RIPOR2: variants seen among roughly 807,000 people sequenced by gnomAD.
RIPOR2 encodes rho family-interacting cell polarization regulator 2.
In RIPOR2, 39 loss-of-function variants were observed where a neutral mutation model predicts 114.5. That is an observed-to-expected ratio of 0.34 (90% CI 0.26 to 0.44). RIPOR2 has a LOEUF of 0.44. RIPOR2 is among the 20% of genes least tolerant of loss of function. RIPOR2 has a pLI of 1.00. For synonymous variants in RIPOR2, 445 were observed against 484.4 expected, an observed-to-expected ratio of 0.92 and a Z score of 1.07; for missense variants, 1,007 against 1,255.1, an observed-to-expected ratio of 0.80 and a Z score of 2.99.
intron 1 of RIPOR2, chr6:25,015,898 T>G (rs1233588373): frequency 1.2e-5 from 1 of 81,388 alleles, no homozygotes; most frequent in Non-Finnish European, 2.2e-5. Flanking sequence ...GTTTTTTGGT[T>G]TTTTTTTTTT....
chr6:25,000,136 A>C (rs1775236358), intron 1 of RIPOR2, among the ~76,000 whole-genome samples: 3 of 151,878 alleles, frequency 2.0e-5, no homozygotes. Context: ...ACACATTGGC[A>C]CTCTTGCCTA....
chr6:24,970,663 T>A (rs559418408), intron 1 of RIPOR2, among the ~76,000 whole-genome samples: 1 of 152,248 alleles, frequency 6.6e-6, no homozygotes, highest in Admixed American at 6.5e-5. Flanking sequence ...GAAGAGAGAC[T>A]GTTGAGCCCT....
chr6:24,870,292 C>T (rs757890493), intron 5 of RIPOR2, among the ~76,000 whole-genome samples: 58 of 152,088 alleles, frequency 3.8e-4, no homozygotes, highest in Non-Finnish European at 1.5e-5. Context: ...CCTCCAAACG[C>T]CTGGGAAGTT....
At chr6:24,968,980 C>T (rs565820294) in intron 1 of RIPOR2, among the ~76,000 whole-genome samples, 26 of 152,234 alleles carry the variant, frequency 1.7e-4, no homozygotes, top group African/African-American at 6.3e-4. Context: ...CGTTTAATCA[C>T]CTCATTTGCT....
intron 19 of RIPOR2, among the ~76,000 whole-genome samples, chr6:24,818,871 T>C (rs551181542): frequency 7.8e-4 from 119 of 151,932 alleles, no homozygotes; most frequent in South Asian, 1.0e-3. Context: ...GATCAATTTA[T>C]TGAGTAACAT....
At chr6:24,932,142 T>G (rs1446827229) in intron 1 of RIPOR2, 1 of 152,206 alleles carries the variant, frequency 6.6e-6, no homozygotes, top group East Asian at 1.9e-4. Flanking sequence ...ATGAAAGCCC[T>G]TTAATTTGAT....
chr6:24,899,845 G>A (rs570157788), intron 1 of RIPOR2, among the ~76,000 whole-genome samples: 39 of 152,298 alleles, frequency 2.6e-4, no homozygotes, highest in African/African-American at 8.9e-4. Context: ...GAAGGAGAAG[G>A]CACGCCACTG....
At chr6:25,017,795 A>G (rs956520478) in intron 1 of RIPOR2, among the ~76,000 whole-genome samples, 1 of 152,252 alleles carries the variant, frequency 6.6e-6, no homozygotes, top group South Asian at 2.1e-4. Flanking sequence ...AGGAATCAGC[A>G]AAGTGAGGGA....
intron 1 of RIPOR2, among the ~76,000 whole-genome samples, chr6:24,974,430 C>T (rs1561818804): frequency 1.3e-5 from 2 of 152,058 alleles, no homozygotes; most frequent in Admixed American, 1.3e-4. Flanking sequence ...TGTTCAACAT[C>T]ATTAGTCATC....
rs116168208 is a variant in RIPOR2, at chr6:24,858,129, G to C, written c.715+2844C>G. ...CCCCTCCTGCTTTTGCAGCAAACTG[G>C]GTCACACTGTTGTTCAGGTGGTCAT... On this transcript the variant is annotated intron_variant, in intron 8 of 21. Coordinates refer to ENST00000643898, the MANE Select transcript of RIPOR2 (RefSeq NM_001286445.3). This position sits in a 1 kb window ranked among gnomAD's most constrained non-coding sequence, Gnocchi z 4.0. 5.1e-4 allele frequency among the ~76,000 whole-genome samples: 77 copies of C among 152,174 alleles called. No homozygotes were observed. Among genetic ancestry groups the C allele is most frequent in the African/African-American group, 1.7e-3 (72 of 41,520 alleles).
intron 8 of RIPOR2, among the ~76,000 whole-genome samples, chr6:24,853,095 TC>T (rs779096035): frequency 1.1e-3 from 171 of 152,328 alleles, no homozygotes; most frequent in Non-Finnish European, 2.1e-3. Context: ...ATTTACTCAT[TC>T]TGATGTTTTC....
chr6:24,919,478 C>A (rs546448288), intron 1 of RIPOR2, among the ~76,000 whole-genome samples: 1 of 152,274 alleles, frequency 6.6e-6, no homozygotes, highest in South Asian at 2.1e-4. Flanking sequence ...TATGGAATCC[C>A]GGCTATGTTT....
chr6:25,001,407 G>A (rs1305273151), intron 1 of RIPOR2, among the ~76,000 whole-genome samples: 3 of 151,878 alleles, frequency 2.0e-5, no homozygotes, highest in South Asian at 4.2e-4. Context: ...AGCGGATCAC[G>A]AGGTCAGGAG....
chr6:24,995,574 T>C (rs894137245), intron 1 of RIPOR2, among the ~76,000 whole-genome samples: 3 of 152,166 alleles, frequency 2.0e-5, no homozygotes, highest in Non-Finnish European at 4.4e-5. Flanking sequence ...GAACTTGGAA[T>C]GAAGGTGGCA....
At chr6:24,942,262 G>A (rs1056411297) in intron 1 of RIPOR2, among the ~76,000 whole-genome samples, 5 of 152,146 alleles carry the variant, frequency 3.3e-5, no homozygotes, top group Non-Finnish European at 5.9e-5. Context: ...AGGAACTGAA[G>A]GAAGATCTTA....
chr6:24,829,003 T>C (rs1352409937), intron 17 of RIPOR2, among the ~76,000 whole-genome samples: 1 of 152,138 alleles, frequency 6.6e-6, no homozygotes, highest in African/African-American at 2.4e-5. Flanking sequence ...ATAGCAACAA[T>C]GTGTTCTTTT....
At chr6:25,026,114 TATAAATGA>T (rs1457920065) in intron 1 of RIPOR2, among the ~76,000 whole-genome samples, 1 of 152,140 alleles carries the variant, frequency 6.6e-6, no homozygotes, top group Non-Finnish European at 1.5e-5. Flanking sequence ...AAGACAGGTT[TATAAATGA>T]ATGCTACTCA....
chr6:24,946,802 C>T (rs1018851388), intron 1 of RIPOR2, among the ~76,000 whole-genome samples: 16 of 152,242 alleles, frequency 1.1e-4, no homozygotes, highest in African/African-American at 3.1e-4. Flanking sequence ...TCTCTCCTGA[C>T]GTATTTCTTT....
In RIPOR2 at chr6:24,825,262, C is replaced by T. The variant is rs775597107; in HGVS notation, c.2832G>A (p.Leu944=). Residue 944 remains leucine (L), a synonymous_variant, in exon 19 of 22, where the codon TTG becomes TTA. Coordinates refer to ENST00000643898, the MANE Select transcript of RIPOR2 (RefSeq NM_001286445.3). Reference sequence around the variant, plus strand: ...AATGCTGATTTTTGGAGGCTGCTGCCAAGTAAAGCGTCACAGCCTCACTAA... The same window carrying T: ...AATGCTGATTTTTGGAGGCTGCTGCTAAGTAAAGCGTCACAGCCTCACTAA... ...NEVSEAVTLY[L]AAASKNQHFR... 1.3e-6 allele frequency: 2 copies of T among 1,551,276 alleles called. No homozygotes were observed. Among genetic ancestry groups the T allele is most frequent in the Non-Finnish European group, 8.7e-7 (1 of 1,146,972 alleles).
Sources: gnomAD v4.1 joint callset for allele counts (sites outside exome capture counted in the v4.1 genomes callset) on GRCh38, gnomAD v4.1.1 for gene constraint, Gnocchi (gnomAD v3.1) non-coding constraint, MANE v1.5 for transcripts, NCBI Gene and HGNC (gene_info 2026-07-23, HGNC 2026-07-21) for gene names.